ARHGAP26: variants seen among roughly 807,000 people sequenced by gnomAD.
ARHGAP26 encodes the protein rho GTPase-activating protein 26.
Under a neutral mutation model 104.8 loss-of-function variants are expected in ARHGAP26, and 38 were observed. The ratio of observed to expected loss-of-function variants is 0.36; its 90% CI spans 0.28 to 0.48. The LOEUF (loss-of-function observed/expected upper bound fraction) is 0.48. Among genes scored for constraint, ARHGAP26 ranks in the 20% least tolerant of loss-of-function variants. The pLI is 0.99. For synonymous variants in ARHGAP26, 341 were observed against 340.0 expected, an observed-to-expected ratio of 1.00 and a Z score of -0.03; for missense variants, 704 against 947.9, an observed-to-expected ratio of 0.74 and a Z score of 3.38.
intron 1 of ARHGAP26, among the ~76,000 whole-genome samples, chr5:142,814,309 C>T (rs190935721): frequency 3.9e-5 from 6 of 152,352 alleles, no homozygotes; most frequent in African/African-American, 1.4e-4. Context: ...GTGCTGTAAA[C>T]AGCGACTGCC....
intron 6 of ARHGAP26, among the ~76,000 whole-genome samples, chr5:142,901,075 A>G (rs749647613): frequency 4.6e-5 from 7 of 152,200 alleles, no homozygotes; most frequent in Non-Finnish European, 1.0e-4. Context: ...GCATAACAAC[A>G]GTGAGGTTTG....
In ARHGAP26 at chr5:143,084,881, C is replaced by G. The variant is rs1160017507; in HGVS notation, c.1538+27134C>G. 3.3e-5 allele frequency among the ~76,000 whole-genome samples: 5 copies of G among 152,034 alleles called. No homozygotes were observed. In the East Asian group the frequency reaches 9.7e-4, roughly 29 times the overall value. On this transcript the variant is annotated intron_variant, in intron 17 of 22. Transcript: ENST00000645722. ...CCAACGTGGTGAAACTCCGTCTCTA[C>G]TAAAAATACAAAAATTAGCTGGGCG...
At chr5:142,808,247 A>AGGG (rs1763391613) in intron 1 of ARHGAP26, among the ~76,000 whole-genome samples, 3 of 133,374 alleles carry the variant, frequency 2.2e-5, no homozygotes, top group African/African-American at 9.8e-5. Flanking sequence ...AAAAAAAAAA[A>AGGG]AAAAAAAAAA....
chr5:142,971,952 C>A (rs1235235021), intron 11 of ARHGAP26, among the ~76,000 whole-genome samples: 1 of 152,156 alleles, frequency 6.6e-6, no homozygotes, highest in South Asian at 2.1e-4. Context: ...GAGGTCGAGG[C>A]GGGCAGATCA....
intron 12 of ARHGAP26, among the ~76,000 whole-genome samples, chr5:143,028,750 C>G (rs2077464922): frequency 6.6e-6 from 1 of 152,234 alleles, no homozygotes; most frequent in African/African-American, 2.4e-5. Flanking sequence ...TAATCCAGGT[C>G]TGTCTGGCTT....
At chr5:142,869,554 A>G (rs1754962647) in intron 1 of ARHGAP26, among the ~76,000 whole-genome samples, 1 of 152,146 alleles carries the variant, frequency 6.6e-6, no homozygotes, top group South Asian at 2.1e-4. Flanking sequence ...TAGTTAATAC[A>G]CAATTTTGGT....
In ARHGAP26 at chr5:142,820,827, C is replaced by T. The variant is rs7706243; in HGVS notation, c.154+49912C>T. Among the ~76,000 whole-genome samples, 643 of 152,236 alleles carry T rather than the reference C, an allele frequency of 4.2e-3. 7 individuals are homozygous for T. Among genetic ancestry groups the T allele is most frequent in the African/African-American group, 0.014 (595 of 41,532 alleles). ...CACGTATGCATTTTCTTATTTTTCC[C>T]GGAACATTATGAAGTGGAGTCTATT... On this transcript the variant is annotated intron_variant, in intron 1 of 22. Transcript: ENST00000645722.
At chr5:143,050,392 A>T (rs542087729) in intron 14 of ARHGAP26, among the ~76,000 whole-genome samples, 2 of 151,988 alleles carry the variant, frequency 1.3e-5, no homozygotes, top group South Asian at 4.1e-4. Context: ...TTAGTAAAAC[A>T]GAGAACACAA....
intron 20 of ARHGAP26, among the ~76,000 whole-genome samples, chr5:143,179,976 G>C (rs1189552168): frequency 6.6e-6 from 1 of 151,980 alleles, no homozygotes; most frequent in East Asian, 1.9e-4. Flanking sequence ...GAGCCCTGTT[G>C]GTTTAAAACC....
At chr5:143,012,543 A>ATATATAAATATATATATATATAT (rs56994836) in intron 11 of ARHGAP26, among the ~76,000 whole-genome samples, 1 of 44,966 alleles carries the variant, frequency 2.2e-5, no homozygotes, top group African/African-American at 6.2e-5. Context: ...ATATTTATAT[A>ATATATAAATATATATATATATAT]CATACATACA....
intron 1 of ARHGAP26, among the ~76,000 whole-genome samples, chr5:142,788,774 G>GA (rs1202571315): frequency 6.6e-6 from 1 of 152,154 alleles, no homozygotes; most frequent in East Asian, 1.9e-4. Context: ...ATAGATATTG[G>GA]TATCTGTTGG....
chr5:142,946,235 A>G (rs531977205), intron 11 of ARHGAP26, among the ~76,000 whole-genome samples: 5 of 152,222 alleles, frequency 3.3e-5, no homozygotes, highest in African/African-American at 7.2e-5. Flanking sequence ...CTTCTACCCT[A>G]TCTACTCACA....
intron 1 of ARHGAP26, among the ~76,000 whole-genome samples, chr5:142,856,882 C>T (rs1383893223): frequency 1.3e-5 from 2 of 152,052 alleles, no homozygotes; most frequent in African/African-American, 2.4e-5. Flanking sequence ...CCATGGATCC[C>T]GAGGGACAAC....
intron 21 of ARHGAP26, among the ~76,000 whole-genome samples, chr5:143,213,584 G>C (rs1394039062): frequency 1.3e-5 from 2 of 152,178 alleles, no homozygotes; most frequent in Admixed American, 6.5e-5. Context: ...AGCATTGCCA[G>C]CTTTCAACAG....
chr5:143,085,525 C>T (rs1398430993), intron 17 of ARHGAP26, among the ~76,000 whole-genome samples: 6 of 152,082 alleles, frequency 3.9e-5, no homozygotes, highest in African/African-American at 1.2e-4. Context: ...TAGGAGAACG[C>T]GACAGAGGCA....
At chr5:143,209,731 A>G (rs1019807886) in intron 21 of ARHGAP26, among the ~76,000 whole-genome samples, 3 of 152,030 alleles carry the variant, frequency 2.0e-5, no homozygotes, top group South Asian at 2.1e-4. Context: ...CAGTGAGCCA[A>G]GATCGTGCCA....
chr5:143,136,893 G>A (rs246604), intron 19 of ARHGAP26, among the ~76,000 whole-genome samples: 81,418 of 151,812 alleles, frequency 0.54, 22,038 homozygotes, highest in Middle Eastern at 0.59. Flanking sequence ...TGTGAAAAAA[G>A]GTATATATTT....
chr5:143,007,216 A>G (rs1168292064), intron 11 of ARHGAP26, among the ~76,000 whole-genome samples: 1 of 147,676 alleles, frequency 6.8e-6, no homozygotes, highest in Non-Finnish European at 1.5e-5. Flanking sequence ...AAAAAAAAAA[A>G]GTTCCTAAAT....
chr5:142,958,101 A>G (rs939666719), intron 11 of ARHGAP26, among the ~76,000 whole-genome samples: 4 of 152,178 alleles, frequency 2.6e-5, no homozygotes, highest in African/African-American at 9.7e-5. Flanking sequence ...CTATATGGTC[A>G]TTTTTGTCAG....
Sources: allele counts gnomAD v4.1 joint callset (sites outside exome capture counted in the v4.1 genomes callset), GRCh38; gene constraint gnomAD v4.1.1; transcripts MANE v1.5; gene names NCBI Gene and HGNC (gene_info 2026-07-23, HGNC 2026-07-21).